ANKRD31: variants seen among roughly 807,000 people sequenced by gnomAD.
ANKRD31 encodes the protein ankyrin repeat domain-containing protein 31.
ANKRD31 carries 147 observed loss-of-function variants against 186.0 expected under a neutral mutation model. That is an observed-to-expected ratio of 0.79 (90% CI 0.69 to 0.91). The LOEUF (loss-of-function observed/expected upper bound fraction) is 0.91. ANKRD31 is among the 40% of genes least tolerant of loss of function. The pLI, the probability that ANKRD31 is intolerant of heterozygous loss-of-function variation, is 0.00. For synonymous variants in ANKRD31, 673 were observed against 736.4 expected, an observed-to-expected ratio of 0.91 and a Z score of 1.39; for missense variants, 1,986 against 2,148.8, an observed-to-expected ratio of 0.92 and a Z score of 1.50.
At chr5:75,175,545 G>C (rs545091148) in intron 10 of ANKRD31, among the ~76,000 whole-genome samples, 1 of 152,170 alleles carries the variant, frequency 6.6e-6, no homozygotes, top group Non-Finnish European at 1.5e-5. Context: ...GAATGACTGA[G>C]AGAGGCATGA....
chr5:75,141,942 A>G (rs1415179680), intron 15 of ANKRD31, among the ~76,000 whole-genome samples: 1 of 152,194 alleles, frequency 6.6e-6, no homozygotes, highest in Non-Finnish European at 1.5e-5. Context: ...CAATGTTACT[A>G]ACATCATAAG....
At chr5:75,187,469 G>A (rs989515711) in intron 10 of ANKRD31, among the ~76,000 whole-genome samples, 1 of 150,970 alleles carries the variant, frequency 6.6e-6, no homozygotes, top group Non-Finnish European at 1.5e-5. Context: ...AAAAAAAAAA[G>A]GCTAATACAA....
intron 9 of ANKRD31, among the ~76,000 whole-genome samples, chr5:75,192,269 G>A (rs1209013623): frequency 6.6e-6 from 1 of 151,994 alleles, no homozygotes; most frequent in Non-Finnish European, 1.5e-5. Flanking sequence ...TTGCTTCTGA[G>A]AGTTTTTTAG....
intron 20 of ANKRD31, among the ~76,000 whole-genome samples, chr5:75,111,481 A>G (rs902861450): frequency 6.6e-6 from 1 of 152,174 alleles, no homozygotes; most frequent in Non-Finnish European, 1.5e-5. Flanking sequence ...GGCCAGGACG[A>G]AAAGTAGAAT....
In ANKRD31 at chr5:75,069,868, T is replaced by C. The variant is rs146841480; in HGVS notation, c.5648-1204A>G. Among the ~76,000 whole-genome samples, 31 of 152,286 alleles carry C rather than the reference T, an allele frequency of 2.0e-4. 1 individual carries two copies. In the East Asian group the frequency reaches 5.6e-3, roughly 28 times the overall value. ...GAGTCACATACAGAGTCTTCTTTTTTAGACTTGAACCTGGAAGCATGTAGC... is the reference window on the plus strand; with the variant it reads ...GAGTCACATACAGAGTCTTCTTTTTCAGACTTGAACCTGGAAGCATGTAGC... On this transcript the variant is annotated intron_variant, in intron 25 of 25. Transcript: ENST00000506364.
At chr5:75,151,719 A>T (rs1580438914) in intron 12 of ANKRD31, among the ~76,000 whole-genome samples, 1 of 152,050 alleles carries the variant, frequency 6.6e-6, no homozygotes, top group South Asian at 2.1e-4. Context: ...TCGGGAAAAG[A>T]TCTTTTCTAA....
Position 75,138,013 on chromosome 5 carries a change from A to AG in ANKRD31, c.3734-16dup, listed in dbSNP as rs777314847. On this transcript the variant is annotated splice_polypyrimidine_tract_variant and intron_variant, in intron 16 of 25. Coordinates refer to ENST00000506364, the MANE Select transcript of ANKRD31 (RefSeq NM_001372053.1). ...TGGTGTCCAACCTAAAAAAAGAAAAAGAAAAAAAAAAACCCTGCTTCATGC... is the reference window on the plus strand; with the variant it reads ...TGGTGTCCAACCTAAAAAAAGAAAAAGGAAAAAAAAAAACCCTGCTTCATGC... The AG allele has an allele frequency of 2.8e-4, 391 of 1,398,350 alleles. 1 individual carries two copies. The highest frequency in any genetic ancestry group is 5.6e-4 in the Middle Eastern group (3 of 5,324). The allele number at this position is 1,398,350 out of a possible 1,614,324, so 86.6% of individuals were successfully genotyped here. A position where few individuals can be genotyped will look rare whatever the true frequency, so the allele number is the denominator to read the frequency against.
intron 11 of ANKRD31, among the ~76,000 whole-genome samples, chr5:75,155,598 A>G (rs1048082392): frequency 4.6e-5 from 7 of 152,146 alleles, no homozygotes; most frequent in Non-Finnish European, 1.0e-4. Flanking sequence ...ATTGTTTAGT[A>G]AAAGAATGAA....
intron 25 of ANKRD31, among the ~76,000 whole-genome samples, chr5:75,077,261 G>A (rs1277451062): frequency 2.6e-5 from 4 of 151,990 alleles, no homozygotes; most frequent in Non-Finnish European, 4.4e-5. Flanking sequence ...AATAGAGACC[G>A]GGTCTCACTT....
intron 20 of ANKRD31, among the ~76,000 whole-genome samples, chr5:75,109,752 G>C (rs1158625429): frequency 6.6e-6 from 1 of 152,074 alleles, no homozygotes; most frequent in Admixed American, 6.6e-5. Flanking sequence ...CTGAGGACTT[G>C]TTGTGAAGCC....
intron 23 of ANKRD31, among the ~76,000 whole-genome samples, chr5:75,087,174 T>C (rs560751178): frequency 2.0e-5 from 3 of 152,316 alleles, no homozygotes; most frequent in South Asian, 2.1e-4. Context: ...CCATTTTTCA[T>C]ATATCTTCAG....
At position 75,118,168 on chromosome 5, in the gene ANKRD31, C is replaced by T. The variant is rs1748448904; in HGVS notation, c.4006G>A (p.Val1336Ile). The T allele has an allele frequency of 2.6e-6, 4 of 1,509,854 alleles. No homozygotes were observed. The highest frequency in any genetic ancestry group is 3.5e-6 in the Non-Finnish European group (4 of 1,138,424). 93.5% of individuals were successfully genotyped at this position (1,509,854 alleles called of 1,614,324 possible). A position where few individuals can be genotyped will look rare whatever the true frequency, so the allele number is the denominator to read the frequency against. The change falls in exon 18 of 26, where the codon GTT (valine) becomes ATT (isoleucine). Residue 1336 changes from valine (V) to isoleucine (I), a missense_variant. By Grantham distance (29) the Val-to-Ile change is conservative. Transcript: ENST00000506364. ...ATAGCATCACTCTCATCTCTATTAA[C>T]AGTCTCAATAGCACCATAAGATCTT... ...LLRSYGAIET[V>I]NRDESDAIVN...
chr5:75,080,628 A>G lies in ANKRD31; in HGVS notation c.5587T>C (p.Leu1863=). The G allele has an allele frequency of 6.5e-7, 1 of 1,529,170 alleles. No homozygotes were observed. Among genetic ancestry groups the G allele is most frequent in the East Asian group, 2.5e-5 (1 of 40,680 alleles). 94.7% of individuals were successfully genotyped at this position (1,529,170 alleles called of 1,614,324 possible). A position where few individuals can be genotyped will look rare whatever the true frequency, so the allele number is the denominator to read the frequency against. ...TTTGGTTCCTGTACTGGGTCATCTA[A>G]ACAAGCAACTTCTGAAAGTGAAACA... ...YQPCLPEVAC[L]DDPVQEPNKS... Residue 1863 remains leucine (L), a synonymous_variant, in exon 25 of 26, where the codon TTA becomes CTA. Transcript: ENST00000506364.
chr5:75,100,288 C>T (rs1746732227), intron 22 of ANKRD31, among the ~76,000 whole-genome samples: 1 of 152,124 alleles, frequency 6.6e-6, no homozygotes, highest in African/African-American at 2.4e-5. Flanking sequence ...GTCTGAGAGA[C>T]AGTTTGTTAT....
chr5:75,224,977 GAC>G (rs1757547996), intron 2 of ANKRD31, among the ~76,000 whole-genome samples: 1 of 152,098 alleles, frequency 6.6e-6, no homozygotes, highest in Non-Finnish European at 1.5e-5. Context: ...AGGCAATTCA[GAC>G]ACAAAAAATA....
At chr5:75,177,713 TA>T (rs1177861660) in intron 10 of ANKRD31, among the ~76,000 whole-genome samples, 6 of 152,048 alleles carry the variant, frequency 3.9e-5, no homozygotes, top group Non-Finnish European at 2.9e-5. Flanking sequence ...AGGCCTGCCC[TA>T]AAAGAGCTCC....
intron 19 of ANKRD31, among the ~76,000 whole-genome samples, chr5:75,115,613 CT>C (rs1748168641): frequency 6.6e-6 from 1 of 151,992 alleles, no homozygotes; most frequent in Admixed American, 6.6e-5. Context: ...TGAACAGACA[CT>C]TCTCAAAAGA....
chr5:75,176,880 G>A lies in ANKRD31; in HGVS notation c.1565-7759C>T, dbSNP rs552047734. Among the ~76,000 whole-genome samples the A allele has an allele frequency of 3.9e-5, 6 of 152,360 alleles. No homozygotes were observed. The South Asian group carries it at 1.2e-3, about 32-fold the overall frequency. On this transcript the variant is annotated intron_variant, in intron 10 of 25. Coordinates refer to ENST00000506364, the MANE Select transcript of ANKRD31 (RefSeq NM_001372053.1). Reference sequence around the variant, plus strand: ...CACCAGCAATGGAACAAAGCTGGATGGAGAATGACTTTGACGAGTTGAGAG... The same window carrying A: ...CACCAGCAATGGAACAAAGCTGGATAGAGAATGACTTTGACGAGTTGAGAG...
chr5:75,132,282 C>T (rs1296662787), intron 17 of ANKRD31, among the ~76,000 whole-genome samples: 2 of 152,122 alleles, frequency 1.3e-5, no homozygotes, highest in South Asian at 2.1e-4. Flanking sequence ...GAAGATTAGA[C>T]GAATGGCTAA....
Sources: gnomAD v4.1 joint callset for allele counts (sites outside exome capture counted in the v4.1 genomes callset) on GRCh38, gnomAD v4.1.1 for gene constraint, MANE v1.5 for transcripts, NCBI Gene and HGNC (gene_info 2026-07-23, HGNC 2026-07-21) for gene names.